ARHGAP15: variants seen among roughly 807,000 people sequenced by gnomAD.
ARHGAP15 encodes the protein rho GTPase-activating protein 15.
A neutral mutation model predicts 63.7 loss-of-function variants in ARHGAP15; 51 were observed. The ratio of observed to expected loss-of-function variants is 0.80; its 90% confidence interval spans 0.64 to 1.01. ARHGAP15 has a LOEUF of 1.01. ARHGAP15 is among the 50% of genes least tolerant of loss of function. The pLI, the probability that ARHGAP15 is intolerant of heterozygous loss-of-function variation, is 0.00. For synonymous variants in ARHGAP15, 191 were observed against 193.8 expected, an observed-to-expected ratio of 0.99 and a Z score of 0.12; for missense variants, 560 against 564.6, an observed-to-expected ratio of 0.99 and a Z score of 0.08.
chr2:143,613,452 A>G (rs929573584), intron 11 of ARHGAP15, among the ~76,000 whole-genome samples: 1 of 152,208 alleles, frequency 6.6e-6, no homozygotes, highest in African/African-American at 2.4e-5. Flanking sequence ...GGAGACCAAC[A>G]TAATCCAATT....
intron 6 of ARHGAP15, among the ~76,000 whole-genome samples, chr2:143,312,705 T>C (rs1300781137): frequency 6.6e-6 from 1 of 152,170 alleles, no homozygotes; most frequent in Admixed American, 6.6e-5. Flanking sequence ...ATACGCTAAT[T>C]CTAAATCACC....
chr2:143,689,609 C>T (rs762938581), intron 12 of ARHGAP15, among the ~76,000 whole-genome samples: 4 of 152,174 alleles, frequency 2.6e-5, no homozygotes, highest in Admixed American at 6.6e-5. Flanking sequence ...TTTATAATCA[C>T]AGCTCTTACA....
chr2:143,471,176 ATGTGTGTG>A (rs1045707759), intron 8 of ARHGAP15, among the ~76,000 whole-genome samples: 12 of 147,912 alleles, frequency 8.1e-5, no homozygotes, highest in African/African-American at 3.0e-4. Context: ...GGATATGAAT[ATGTGTGTG>A]TATATATACA....
chr2:143,208,904 C>T (rs1265404102), intron 3 of ARHGAP15, among the ~76,000 whole-genome samples: 1 of 152,080 alleles, frequency 6.6e-6, no homozygotes, highest in Non-Finnish European at 1.5e-5. Context: ...CAGGTTTTTA[C>T]AGAATCATCT....
At chr2:143,699,798 G>A (rs1684005405) in intron 12 of ARHGAP15, among the ~76,000 whole-genome samples, 1 of 152,212 alleles carries the variant, frequency 6.6e-6, no homozygotes. Context: ...GAGGGGTGCA[G>A]GGGAAGGTGA....
In ARHGAP15 at chr2:143,733,060, A is replaced by G. The variant is rs143354892; in HGVS notation, c.1244+29536A>G. 2.0e-5 allele frequency among the ~76,000 whole-genome samples: 3 copies of G among 152,242 alleles called. No homozygotes were observed. The East Asian group carries it at 5.8e-4, about 29-fold the overall frequency. On this transcript the variant is annotated intron_variant, in intron 13 of 13. Coordinates refer to ENST00000295095, the MANE Select transcript of ARHGAP15 (RefSeq NM_018460.4). ...CATGAATATCTCCACTTTCATAAAG[A>G]AAGTCTTTGTCCAGGATTTCTCCAG...
At chr2:143,379,708 T>A (rs1028964106) in intron 6 of ARHGAP15, among the ~76,000 whole-genome samples, 8 of 151,874 alleles carry the variant, frequency 5.3e-5, no homozygotes, top group African/African-American at 1.9e-4. Context: ...AAAATTAAAT[T>A]GAAAATAAAG....
intron 13 of ARHGAP15, among the ~76,000 whole-genome samples, chr2:143,708,807 T>C (rs1197309233): frequency 6.6e-6 from 1 of 152,202 alleles, no homozygotes; most frequent in Non-Finnish European, 1.5e-5. Context: ...GTATAACTTC[T>C]CAGAGTGATT....
intron 13 of ARHGAP15, among the ~76,000 whole-genome samples, chr2:143,738,205 C>T (rs547609984): frequency 9.9e-5 from 15 of 152,212 alleles, no homozygotes; most frequent in Non-Finnish European, 1.9e-4. Flanking sequence ...TTATAAGGTA[C>T]TTCTGCTGAG....
At chr2:143,336,009 A>ATT (rs926332527) in intron 6 of ARHGAP15, among the ~76,000 whole-genome samples, 2 of 137,260 alleles carry the variant, frequency 1.5e-5, no homozygotes, top group Admixed American at 2.0e-4. Flanking sequence ...TTTGTAGTTT[A>ATT]TTTTTTTTGA....
intron 6 of ARHGAP15, among the ~76,000 whole-genome samples, chr2:143,303,011 A>C (rs1236542326): frequency 6.6e-6 from 1 of 152,008 alleles, no homozygotes; most frequent in Non-Finnish European, 1.5e-5. Flanking sequence ...GATTGGGCTG[A>C]AAGTATGAAT....
rs200074290 is a variant in ARHGAP15, at chr2:143,267,846, GCA to G, written c.474+17249_474+17250del. ...TTGTTTTTTGGTATACAAATATTTAGCACAAAAAATATTTTCTCTAGCTAGTT... is the reference window on the plus strand; with the variant it reads ...TTGTTTTTTGGTATACAAATATTTAGCAAAAAATATTTTCTCTAGCTAGTT... On this transcript the variant is annotated intron_variant, in intron 6 of 13. Transcript: ENST00000295095. Among the ~76,000 whole-genome samples, 790 of 152,136 alleles carry G rather than the reference GCA, an allele frequency of 5.2e-3. 5 individuals are homozygous for G. Among genetic ancestry groups the G allele is most frequent in the African/African-American group, 0.018 (742 of 41,510 alleles).
chr2:143,765,107 ATATG>A (rs1013886539), intron 13 of ARHGAP15, among the ~76,000 whole-genome samples: 18 of 110,390 alleles, frequency 1.6e-4, no homozygotes, highest in African/African-American at 7.1e-4. Flanking sequence ...TGCCTCTAAA[ATATG>A]TGTGTGTGTG....
At chr2:143,677,450 C>A (rs1517911) in intron 12 of ARHGAP15, among the ~76,000 whole-genome samples, 2 of 152,062 alleles carry the variant, frequency 1.3e-5, no homozygotes, top group African/African-American at 4.8e-5. Context: ...CAAGTACCCA[C>A]AGAAATTTGT....
At chr2:143,561,235 A>C (rs1163731316) in intron 11 of ARHGAP15, among the ~76,000 whole-genome samples, 1 of 152,168 alleles carries the variant, frequency 6.6e-6, no homozygotes, top group Non-Finnish European at 1.5e-5. Context: ...CCCAAACTAC[A>C]AATTCAGTTC....
intron 6 of ARHGAP15, among the ~76,000 whole-genome samples, chr2:143,307,823 G>A (rs150027965): frequency 4.6e-4 from 70 of 151,906 alleles, no homozygotes; most frequent in Middle Eastern, 3.4e-3. Flanking sequence ...TTTTTTCTAC[G>A]ATATAATTCT....
At chr2:143,542,372 G>A (rs1695106509) in intron 10 of ARHGAP15, among the ~76,000 whole-genome samples, 1 of 151,968 alleles carries the variant, frequency 6.6e-6, no homozygotes, top group Non-Finnish European at 1.5e-5. Context: ...ACGGTGCACT[G>A]CACCCACTCT....
chr2:143,242,381 G>A (rs777707034), intron 5 of ARHGAP15, among the ~76,000 whole-genome samples: 13 of 152,198 alleles, frequency 8.5e-5, no homozygotes, highest in Non-Finnish European at 1.3e-4. Flanking sequence ...CATCAAAAGT[G>A]TACCCAAGCT....
At chr2:143,283,792 T>C (rs1469474446) in intron 6 of ARHGAP15, among the ~76,000 whole-genome samples, 1 of 152,210 alleles carries the variant, frequency 6.6e-6, no homozygotes, top group Admixed American at 6.5e-5. Flanking sequence ...TCCAGGTCTG[T>C]CTTGTCTGCC....
Sources: gnomAD v4.1 joint callset for allele counts (sites outside exome capture counted in the v4.1 genomes callset) on GRCh38, gnomAD v4.1.1 for gene constraint, MANE v1.5 for transcripts, NCBI Gene and HGNC (gene_info 2026-07-23, HGNC 2026-07-21) for gene names.